Variants in CTNNA1 observed in about 807,000 individuals in gnomAD.
CTNNA1 encodes the protein catenin alpha 1.
CTNNA1 carries 37 observed loss-of-function variants against 98.4 expected under a neutral mutation model. That is an observed-to-expected ratio of 0.38 (90% CI 0.29 to 0.49). The LOEUF is 0.49. Among genes scored for constraint, CTNNA1 ranks in the 20% least tolerant of loss-of-function variants. CTNNA1 has a pLI of 0.95. For missense variants in CTNNA1, 761 were observed against 1,147.2 expected (o/e 0.66, Z 4.86); for synonymous variants, 404 against 413.2 (o/e 0.98, Z 0.27).
intron 3 of CTNNA1, among the ~76,000 whole-genome samples, chr5:138,785,421 G>A (rs577084001): frequency 6.6e-6 from 1 of 152,242 alleles, no homozygotes; most frequent in East Asian, 1.9e-4. Context: ...TTGCTGTTGA[G>A]GAAATCAGGC....
chr5:138,826,969 G>A (rs1389484641), intron 6 of CTNNA1, among the ~76,000 whole-genome samples: 4 of 152,160 alleles, frequency 2.6e-5, no homozygotes, highest in African/African-American at 9.7e-5. Context: ...TTTTTGTAGA[G>A]ACAGGGTCTT....
At chr5:138,854,552 T>G (rs1469134366) in intron 7 of CTNNA1, among the ~76,000 whole-genome samples, 1 of 152,166 alleles carries the variant, frequency 6.6e-6, no homozygotes, top group Non-Finnish European at 1.5e-5. Flanking sequence ...TTCAACAGAC[T>G]CCTCAGACTG....
chr5:138,768,558 GTTTTTTTTTTTT>G (rs36038829), intron 1 of CTNNA1, among the ~76,000 whole-genome samples: 1 of 67,604 alleles, frequency 1.5e-5, no homozygotes, highest in East Asian at 5.3e-4. Flanking sequence ...AACGGTGTCT[GTTTTTTTTTTTT>G]TTTTTTTTTT....
intron 6 of CTNNA1, among the ~76,000 whole-genome samples, chr5:138,825,482 G>GTTGTTTTTTTTTTTTTT (rs1554085135): frequency 2.7e-5 from 2 of 74,116 alleles, no homozygotes; most frequent in African/African-American, 1.2e-4. Flanking sequence ...AGCAGTATAA[G>GTTGTTTTTTTTTTTTTT]TTTTTTTTTT....
intron 7 of CTNNA1, among the ~76,000 whole-genome samples, chr5:138,863,241 A>G (rs980657796): frequency 6.6e-6 from 1 of 151,330 alleles, no homozygotes; most frequent in Non-Finnish European, 1.5e-5. Context: ...TATATATATA[A>G]TTTATTTTTT....
At chr5:138,911,857 AG>A (rs1760702272) in intron 10 of CTNNA1, among the ~76,000 whole-genome samples, 1 of 152,236 alleles carries the variant, frequency 6.6e-6, no homozygotes, top group Admixed American at 6.5e-5. Context: ...TATATTTTGA[AG>A]GTGAACTTTA....
In CTNNA1 at chr5:138,840,006, G is replaced by A. The variant is rs577230743; in HGVS notation, c.1062+12288G>A. On this transcript the variant is annotated intron_variant, in intron 7 of 17. Coordinates refer to ENST00000302763, the MANE Select transcript of CTNNA1 (RefSeq NM_001903.5). ...TTGATCAAGTAATGTAATCTCCCCA[G>A]GGCAGCTTTCTTGGCTGGAATTGGG... Among the ~76,000 whole-genome samples, 9 of 152,294 alleles carry A rather than the reference G, an allele frequency of 5.9e-5. No homozygotes were observed. In the East Asian group the frequency reaches 1.2e-3, roughly 20 times the overall value.
intron 3 of CTNNA1, among the ~76,000 whole-genome samples, chr5:138,804,250 G>A (rs1272890713): frequency 1.3e-5 from 2 of 152,114 alleles, no homozygotes; most frequent in Non-Finnish European, 2.9e-5. Context: ...CAGCTCCAGA[G>A]CCTGTGCTCT....
chr5:138,873,267 A>G lies in CTNNA1; in HGVS notation c.1063-12945A>G, dbSNP rs1003597731. 3 of 1,613,860 alleles carry G rather than the reference A, an allele frequency of 1.9e-6. No homozygotes were observed. The South Asian group carries it at 3.3e-5, about 18-fold the overall frequency. ...ATAAAAATAATAAAAAAGAAAGAAAACAATAAAGCCATTGTTCCCGTAATT... is the reference window on the plus strand; with the variant it reads ...ATAAAAATAATAAAAAAGAAAGAAAGCAATAAAGCCATTGTTCCCGTAATT... On this transcript the variant is annotated intron_variant, in intron 7 of 17. Transcript: ENST00000302763. The surrounding 1 kb of genome is among the most constrained non-coding windows in gnomAD (Gnocchi z 6.1).
intron 7 of CTNNA1, chr5:138,875,030 G>T: frequency 1.0e-6 from 1 of 984,730 alleles, no homozygotes; most frequent in Non-Finnish European, 1.6e-6. Flanking sequence ...TGTGTCCCAG[G>T]CTTTCCAAGT....
rs531171999 is a variant in CTNNA1, at chr5:138,887,616, C to T, written c.1270C>T (p.Arg424Cys). The stretch of plus-strand genomic sequence containing the variant: ...AGTTAAGGAGTATGCCCAAGTTTTC[C>T]GTGAACATGCCAACAAATTGATTGA... ...KEVKEYAQVF[R>C]EHANKLIEVA... The change falls in exon 9 of 18, where the codon CGT becomes TGT. Residue 424 changes from arginine to cysteine, a missense_variant. Transcript: ENST00000302763. 1.1e-5 allele frequency: 18 copies of T among 1,610,478 alleles called. No individual in the cohort carries two copies. The highest frequency in any genetic ancestry group is 2.2e-5 in the South Asian group (2 of 90,082).
At chr5:138,875,165 C>T (rs1751217153) in intron 7 of CTNNA1, 2 of 412,428 alleles carry the variant, frequency 4.8e-6, no homozygotes, top group Admixed American at 4.3e-5. Flanking sequence ...TAAATTTCTC[C>T]ACCTCTAACT....
intron 5 of CTNNA1, among the ~76,000 whole-genome samples, chr5:138,812,556 A>G (rs371320338): frequency 6.6e-6 from 1 of 152,202 alleles, no homozygotes; most frequent in African/African-American, 2.4e-5. Context: ...TGATGAAGGT[A>G]GTGTCTGGAG....
At chr5:138,827,927 A>G in intron 7 of CTNNA1, 1 of 582,734 alleles carries the variant, frequency 1.7e-6, no homozygotes, top group Non-Finnish European at 3.0e-6. Context: ...CAACTTATAA[A>G]AATCATACAG....
At chr5:138,933,691 A>C in intron 17 of CTNNA1, 111 bp from the exon 18 acceptor site, 1 of 1,133,168 alleles carries the variant, frequency 8.8e-7, no homozygotes, top group Non-Finnish European at 1.2e-6. Flanking sequence ...CGACCTGCCC[A>C]GGCCCTGGTC....
In CTNNA1 at chr5:138,781,152, C is replaced by G. The variant is rs6893685; in HGVS notation, c.-2-771C>G. Among the ~76,000 whole-genome samples, 3,488 of 152,232 alleles carry G rather than the reference C, an allele frequency of 0.023. 136 individuals carry two copies. Among genetic ancestry groups the G allele is most frequent in the African/African-American group, 0.081 (3,353 of 41,546 alleles). ...GACAAGTCCTTCTCTAGGAATCCAT[C>G]AAAAAATGAAGTGAAGCATACCTTT... On this transcript the variant is annotated intron_variant, in intron 1 of 17. Coordinates refer to ENST00000302763, the MANE Select transcript of CTNNA1 (RefSeq NM_001903.5).
chr5:138,800,884 A>G (rs1757507221), intron 3 of CTNNA1, among the ~76,000 whole-genome samples: 2 of 151,978 alleles, frequency 1.3e-5, no homozygotes, highest in South Asian at 4.1e-4. Context: ...CACAGTATGT[A>G]TCAGGCAGTT....
Position 138,815,510 on chromosome 5 carries a change from A to C in CTNNA1, c.588+3208A>C, listed in dbSNP as rs371764866. Among the ~76,000 whole-genome samples the C allele has an allele frequency of 2.4e-4, 36 of 152,154 alleles. No homozygotes were observed. In the East Asian group the frequency reaches 6.2e-3, roughly 26 times the overall value. ...TCCTGCTGGGTGCCCTGGGTTGCTA[A>C]AAGTGATGGCATTCTCTACACATCT... On this transcript the variant is annotated intron_variant, in intron 5 of 17. Coordinates refer to ENST00000302763, the MANE Select transcript of CTNNA1 (RefSeq NM_001903.5).
At chr5:138,777,418 C>T (rs866601918) in intron 1 of CTNNA1, among the ~76,000 whole-genome samples, 448 of 148,708 alleles carry the variant, frequency 3.0e-3, no homozygotes, top group Admixed American at 5.7e-3. Context: ...AGACGATGGG[C>T]GGCCAGGCAG....
Sources: allele counts gnomAD v4.1 joint callset (sites outside exome capture counted in the v4.1 genomes callset), GRCh38; gene constraint gnomAD v4.1.1; non-coding constraint Gnocchi (gnomAD v3.1); transcripts MANE v1.5; gene names NCBI Gene and HGNC (gene_info 2026-07-23, HGNC 2026-07-21).